RSPO1: variants seen among roughly 807,000 people sequenced by gnomAD.
RSPO1 encodes the protein R-spondin 1, also known as R-spondin-1.
Under a neutral mutation model 26.0 loss-of-function variants are expected in RSPO1, and 18 were observed. That is an observed-to-expected ratio of 0.69 (90% CI 0.48 to 1.03). The LOEUF is 1.03. RSPO1 is among the 50% of genes least tolerant of loss of function. RSPO1 has a pLI of 0.00. For missense variants in RSPO1, 309 were observed against 352.3 expected, an observed-to-expected ratio of 0.88 and a Z score of 0.98; for synonymous variants, 133 against 137.4, an observed-to-expected ratio of 0.97 and a Z score of 0.22.
chr1:37,631,618 A>G (rs1291401535), intron 2 of RSPO1, among the ~76,000 whole-genome samples: 1 of 152,168 alleles, frequency 6.6e-6, no homozygotes. Context: ...TAGCTATGTT[A>G]CCTTGCTTAG....
intron 2 of RSPO1, among the ~76,000 whole-genome samples, chr1:37,630,206 A>G (rs1008916049): frequency 1.3e-5 from 2 of 152,338 alleles, no homozygotes; most frequent in Non-Finnish European, 1.5e-5. Context: ...TGATTTCTCA[A>G]TAACGGGAGC....
Position 37,613,661 on chromosome 1 carries a change from G to A in RSPO1, c.625+43C>T, listed in dbSNP as rs1163394758. 2.6e-6 allele frequency: 4 copies of A among 1,545,640 alleles called. No homozygotes were observed. Among genetic ancestry groups the A allele is most frequent in the Non-Finnish European group, 3.6e-6 (4 of 1,124,874 alleles). On this transcript the variant is annotated intron_variant, in intron 6 of 6. Transcript: ENST00000356545. The surrounding 1 kb of genome is among the most constrained non-coding windows in gnomAD (Gnocchi z 4.5). ...GAGGTGGCAGGACCTGTCATGGCTGGTGCCTGAGCCCTGACCCCAGGGAGG... is the reference window on the plus strand; with the variant it reads ...GAGGTGGCAGGACCTGTCATGGCTGATGCCTGAGCCCTGACCCCAGGGAGG...
chr1:37,621,788 TTTTTC>T (rs1312218206), intron 3 of RSPO1, among the ~76,000 whole-genome samples: 13 of 151,890 alleles, frequency 8.6e-5, no homozygotes, highest in Admixed American at 6.6e-4. Flanking sequence ...TTTTTTCTTT[TTTTTC>T]TTTTAAGAGT....
chr1:37,633,188 A>T (rs1384440867), intron 1 of RSPO1, among the ~76,000 whole-genome samples: 1 of 152,242 alleles, frequency 6.6e-6, no homozygotes, highest in Admixed American at 6.5e-5. Flanking sequence ...CTGAATGGTT[A>T]AGTGTCCCAG....
chr1:37,628,338 A>C (rs1644308657), intron 3 of RSPO1, among the ~76,000 whole-genome samples: 1 of 152,172 alleles, frequency 6.6e-6, no homozygotes, highest in Non-Finnish European at 1.5e-5. Context: ...AACCGTCTCT[A>C]ATTGTTTGTT....
intron 1 of RSPO1, among the ~76,000 whole-genome samples, chr1:37,633,671 C>A (rs1319435526): frequency 6.7e-6 from 1 of 148,192 alleles, no homozygotes; most frequent in East Asian, 2.0e-4. Context: ...GGGCGGGGGG[C>A]GGGACAAAGT....
intron 1 of RSPO1, among the ~76,000 whole-genome samples, chr1:37,632,792 G>A (rs538351866): frequency 1.3e-5 from 2 of 152,298 alleles, no homozygotes; most frequent in East Asian, 1.9e-4. Flanking sequence ...CCCCATATGC[G>A]CACACACAGG....
rs750897150 is a variant in RSPO1 at position 37,612,931 on chromosome 1, C to G, written c.626-10G>C. Reference sequence around the variant, plus strand: ...TTCCTCCTCTTCTGCCCTGAAACAACCAAACAGCAGGAAGAATCAACAAAG... The same window carrying G: ...TTCCTCCTCTTCTGCCCTGAAACAAGCAAACAGCAGGAAGAATCAACAAAG... On this transcript the variant is annotated splice_polypyrimidine_tract_variant and intron_variant, in intron 6 of 6. Coordinates refer to ENST00000356545, the MANE Select transcript of RSPO1 (RefSeq NM_001242908.2). 1 of 1,613,902 alleles carries G rather than the reference C, an allele frequency of 6.2e-7. No homozygotes were observed. The highest frequency in any genetic ancestry group is 8.5e-7 in the Non-Finnish European group (1 of 1,179,984).
intron 1 of RSPO1, among the ~76,000 whole-genome samples, chr1:37,633,394 C>G (rs1039767792): frequency 6.6e-6 from 1 of 152,096 alleles, no homozygotes; most frequent in Non-Finnish European, 1.5e-5. Flanking sequence ...CCACAAGGGC[C>G]TCGGAGGGGA....
intron 3 of RSPO1, among the ~76,000 whole-genome samples, chr1:37,620,298 AG>A (rs1313995909): frequency 6.6e-6 from 1 of 152,158 alleles, no homozygotes; most frequent in Non-Finnish European, 1.5e-5. Flanking sequence ...AGATCGCTGC[AG>A]CCCAGGAGTT....
chr1:37,613,729 T>A lies in RSPO1; in HGVS notation c.600A>T (p.Thr200=). 1 of 1,613,790 alleles carries A rather than the reference T, an allele frequency of 6.2e-7. No individual in the cohort carries two copies. The highest frequency in any genetic ancestry group is 8.5e-7 in the Non-Finnish European group (1 of 1,179,972). ...CSDTKETRRC[T]VRRVPCPEGQ... is the part of the protein sequence containing the mutation. ...CCTCAGGACACGGCACTCTCCTCAC[T>A]GTGCACCTCCGGGTCTCCTTGGTGT... is the stretch of plus-strand genomic sequence containing the variant. Residue 200 remains threonine, a synonymous_variant, in exon 6 of 7, where the codon ACA becomes ACT. Coordinates refer to ENST00000356545, the MANE Select transcript of RSPO1 (RefSeq NM_001242908.2). This position sits in a 1 kb window ranked among gnomAD's most constrained non-coding sequence, Gnocchi z 4.5.
At chr1:37,628,664 A>G (rs932848254) in intron 3 of RSPO1, among the ~76,000 whole-genome samples, 1 of 152,176 alleles carries the variant, frequency 6.6e-6, no homozygotes, top group Non-Finnish European at 1.5e-5. Flanking sequence ...CTGGGGCCCC[A>G]TCACTGGAGA....
chr1:37,631,531 G>T (rs1644361433), intron 2 of RSPO1, among the ~76,000 whole-genome samples: 1 of 152,226 alleles, frequency 6.6e-6, no homozygotes, highest in Non-Finnish European at 1.5e-5. Context: ...TCAGAGGCTG[G>T]CTGTACAGCA....
At chr1:37,625,364 G>A (rs1644260324) in intron 3 of RSPO1, among the ~76,000 whole-genome samples, 1 of 152,202 alleles carries the variant, frequency 6.6e-6, no homozygotes, top group African/African-American at 2.4e-5. Flanking sequence ...GATGGAACAT[G>A]GATGAGGGAC....
At chr1:37,633,745 T>C (rs997263946) in intron 1 of RSPO1, among the ~76,000 whole-genome samples, 3 of 152,078 alleles carry the variant, frequency 2.0e-5, no homozygotes, top group Admixed American at 6.5e-5. Flanking sequence ...GCTGGGGCCG[T>C]GCCCCCCCTC....
rs773665489 is a variant in RSPO1 at position 37,629,668 on chromosome 1, G to A, written c.-7C>T. The A allele has an allele frequency of 2.7e-5, 43 of 1,613,932 alleles. No individual in the cohort carries two copies. The highest frequency in any genetic ancestry group is 5.0e-5 in the Admixed American group (3 of 59,978). ...CACACAGCCCAAGCCGCATAGTCAC[G>A]CGCCAGCTCCAGGCCCCTGGTCGGA... On this transcript the variant is annotated 5_prime_UTR_variant, in exon 3 of 7. Transcript: ENST00000356545.
In RSPO1 at chr1:37,634,081, G is replaced by A. The variant is rs1644401518; in HGVS notation, c.-356+485C>T. Among the ~76,000 whole-genome samples the A allele has an allele frequency of 6.6e-6, 1 of 152,194 alleles. No homozygotes were observed. Among genetic ancestry groups the A allele is most frequent in the South Asian group, 2.1e-4 (1 of 4,830 alleles). ...CTGAGCGCCAGACCCCGAGGGCCAG[G>A]GAGCCGCGCCACTTCGCTGCGCACC... is the stretch of plus-strand genomic sequence containing the variant. On this transcript the variant is annotated intron_variant, in intron 1 of 6. Transcript: ENST00000356545. The surrounding 1 kb of genome is among the most constrained non-coding windows in gnomAD (Gnocchi z 4.7).
At chr1:37,614,009 G>T in intron 5 of RSPO1, 117 bp from the exon 6 acceptor site, 1 of 1,361,784 alleles carries the variant, frequency 7.3e-7, no homozygotes, top group Non-Finnish European at 1.0e-6. Context: ...TGGACCTGAG[G>T]CTGCAGGTAT....
Position 37,613,036 on chromosome 1 carries a change from G to C in RSPO1, c.626-115C>G. 8.7e-7 allele frequency: 1 copy of C among 1,154,082 alleles called. No individual in the cohort carries two copies. Among genetic ancestry groups the C allele is most frequent in the South Asian group, 1.3e-5 (1 of 79,074 alleles). 71.5% of individuals were successfully genotyped at this position (1,154,082 alleles called of 1,614,324 possible). On this transcript the variant is annotated intron_variant, in intron 6 of 6. Transcript: ENST00000356545. This position sits in a 1 kb window ranked among gnomAD's most constrained non-coding sequence, Gnocchi z 4.5. ...AAGCCGGAAGGGGAGGCAGGGAGGA[G>C]GCTGGAGATGCTGCCTCTAGGTAGT...
Sources: allele counts gnomAD v4.1 joint callset (sites outside exome capture counted in the v4.1 genomes callset), GRCh38; gene constraint gnomAD v4.1.1; non-coding constraint Gnocchi (gnomAD v3.1); transcripts MANE v1.5; gene names NCBI Gene and HGNC (gene_info 2026-07-23, HGNC 2026-07-21).